The following JMJD6 variants were observed in gnomAD, a reference collection of about 807,000 sequenced individuals.
The protein encoded by JMJD6 is bifunctional arginine demethylase and lysyl-hydroxylase JMJD6.
JMJD6 carries 17 observed loss-of-function variants against 45.8 expected under a neutral mutation model. The observed-to-expected ratio is 0.37, with a 90% CI of 0.25 to 0.56. JMJD6 has a LOEUF of 0.56. Ranked by LOEUF, JMJD6 falls within the 20% of genes least tolerant of loss-of-function variation. The pLI is 0.79. For missense variants in JMJD6, 470 were observed against 517.5 expected (o/e 0.91, Z 0.89); for synonymous variants, 221 against 196.3 (o/e 1.13, Z -1.05).
chr17:76,721,155 A>C, intron 4 of JMJD6: 1 of 229,306 alleles, frequency 4.4e-6, no homozygotes, highest in Admixed American at 4.2e-5. Context: ...GGGGCGGGGT[A>C]AGTGGGCCTC....
intron 5 of JMJD6, among the ~76,000 whole-genome samples, chr17:76,719,337 G>A (rs1166113311): frequency 1.3e-5 from 2 of 152,092 alleles, no homozygotes; most frequent in Non-Finnish European, 2.9e-5. Context: ...CGCCCAGGCT[G>A]GAGTGCAGTG....
intron 3 of JMJD6, among the ~76,000 whole-genome samples, chr17:76,722,771 GGGA>G (rs1258420506): frequency 4.0e-5 from 6 of 150,356 alleles, no homozygotes; most frequent in East Asian, 2.0e-4. Context: ...GCTTGAACCT[GGGA>G]GGAGGAGGTT....
chr17:76,722,518 C>T (rs2076837698), intron 3 of JMJD6, among the ~76,000 whole-genome samples: 1 of 152,036 alleles, frequency 6.6e-6, no homozygotes, highest in African/African-American at 2.4e-5. Context: ...GGAGGCCAGC[C>T]TGGGTAACAG....
downstream of JMJD6, chr17:76,716,814 G>T: frequency 7.4e-7 from 1 of 1,349,180 alleles, no homozygotes; most frequent in South Asian, 1.2e-5. Context: ...GGACCCCCGG[G>T]ACCCCACGTG....
At chr17:76,716,244 A>G (rs79006009), downstream of JMJD6, 1,538 of 163,426 alleles carry the variant, frequency 9.4e-3, 27 homozygotes, top group African/African-American at 0.035. Context: ...GAAGAAGGGC[A>G]GACTCCAAGT....
chr17:76,720,265 TCTC>T, intron 5 of JMJD6, 92 bp downstream of exon 5: 1 of 1,153,278 alleles, frequency 8.7e-7, no homozygotes, highest in African/African-American at 1.5e-5. Context: ...TTCATATCCT[TCTC>T]CTGGATAGGA....
chr17:76,723,999 G>C lies in JMJD6; in HGVS notation c.578C>G (p.Thr193Ser). The C allele has an allele frequency of 6.2e-7, 1 of 1,614,158 alleles. No homozygotes were observed. The highest frequency in any genetic ancestry group is 8.5e-7 in the Non-Finnish European group (1 of 1,180,036). Residue 193 changes from threonine to serine, a missense_variant, in exon 3 of 6, where the codon ACC (threonine) becomes AGC (serine). By Grantham distance (58) the Thr-to-Ser change is moderately conservative (BLOSUM62 1). This residue lies in a region of JMJD6 where 346 missense variants were observed against 339.5 expected (regional missense o/e 1.02). Transcript: ENST00000397625. The part of the protein sequence containing the change: ...GTGIHIDPLG[T>S]SAWNALVQGH... ...CTGAACTAAGGCATTCCAGGCACTG[G>C]TTCCCAGAGGGTCGATGTGAATCCC... is the stretch of plus-strand genomic sequence containing the variant.
Position 76,721,697 on chromosome 17 carries a change from C to A in JMJD6, c.941+101G>T, listed in dbSNP as rs1486547843. On this transcript the variant is annotated intron_variant, in intron 4 of 5. Coordinates refer to ENST00000397625, the MANE Select transcript of JMJD6 (RefSeq NM_015167.3). ...TCGGCAGCCCCAGCTTTGCCCAGGCCTGTGTACGATCAGCACACATCATCG... is the reference window on the plus strand; with the variant it reads ...TCGGCAGCCCCAGCTTTGCCCAGGCATGTGTACGATCAGCACACATCATCG... The A allele has an allele frequency of 1.5e-5, 20 of 1,327,520 alleles. No homozygotes were observed. In the African/African-American group the frequency reaches 2.0e-4, roughly 14 times the overall value. 82.2% of individuals were successfully genotyped at this position (1,327,520 alleles called of 1,614,324 possible).
Position 76,718,633 on chromosome 17 carries a change from G to A in JMJD6, c.*96C>T, listed in dbSNP as rs2076786289. The A allele has an allele frequency of 6.6e-7, 1 of 1,518,674 alleles. No homozygotes were observed. Among genetic ancestry groups the A allele is most frequent in the Admixed American group, 2.2e-5 (1 of 46,280 alleles). The allele number at this position is 1,518,674 out of a possible 1,614,324, so 94.1% of individuals were successfully genotyped here. A position where few individuals can be genotyped will look rare whatever the true frequency, so the allele number is the denominator to read the frequency against. On this transcript the variant is annotated 3_prime_UTR_variant, in exon 6 of 6. Transcript: ENST00000397625. ...GTGTCCTCATTCTTGGGCTCTGTCA[G>A]GCCTCCCCTTGTCTGCAGGACTGGA...
At chr17:76,721,311 G>T in intron 4 of JMJD6, 1 of 452,162 alleles carries the variant, frequency 2.2e-6, no homozygotes. Flanking sequence ...GTGGCACGGG[G>T]TGGCTGTGGG....
downstream of JMJD6, chr17:76,716,339 C>A (rs1202627145): frequency 4.1e-6 from 1 of 243,974 alleles, no homozygotes; most frequent in Non-Finnish European, 8.1e-6. Flanking sequence ...AAACTCCTTA[C>A]CGACATCCGT....
chr17:76,725,156 C>T (rs779397904), intron 2 of JMJD6, among the ~76,000 whole-genome samples: 42 of 152,158 alleles, frequency 2.8e-4, no homozygotes, highest in Non-Finnish European at 5.0e-4. Context: ...CACCTGCAAT[C>T]GCAGCACTTT....
chr17:76,717,849 G>A (rs2076777369), downstream of JMJD6, among the ~76,000 whole-genome samples: 1 of 152,022 alleles, frequency 6.6e-6, no homozygotes, highest in African/African-American at 2.4e-5. Flanking sequence ...AAATTAGCTG[G>A]GCGTGGTGGC....
intron 1 of JMJD6, among the ~76,000 whole-genome samples, 174 bp from the exon 2 acceptor site, chr17:76,726,029 C>A (rs1244956481): frequency 6.6e-6 from 1 of 152,212 alleles, no homozygotes; most frequent in Admixed American, 6.5e-5. Flanking sequence ...CCTAGAGCCA[C>A]CCCCCATGAG....
At chr17:76,716,971 G>C (rs2076769588), downstream of JMJD6, among the ~76,000 whole-genome samples, 1 of 152,132 alleles carries the variant, frequency 6.6e-6, no homozygotes, top group Admixed American at 6.6e-5. Context: ...GGACATCGAG[G>C]GTTGAGAAAT....
At chr17:76,716,434 A>C (rs530432307), downstream of JMJD6, 1 of 497,824 alleles carries the variant, frequency 2.0e-6, no homozygotes, top group African/African-American at 1.9e-5. Flanking sequence ...GACAGCACAG[A>C]ACCTTCTTAC....
chr17:76,721,869 G>A lies in JMJD6; in HGVS notation c.870C>T (p.Ser290=). 2 of 1,614,174 alleles carry A rather than the reference G, an allele frequency of 1.2e-6. No individual in the cohort carries two copies. Among genetic ancestry groups the A allele is most frequent in the Non-Finnish European group, 1.7e-6 (2 of 1,180,022 alleles). ...GCCATACCACAGGGAAGTTGGTGCT[G>A]CTGGCAAAATTTTGGGTGATGGCGA... ...TTIAITQNFA[S]STNFPVVWHK... The change falls in exon 4 of 6, where the codon AGC becomes AGT. Residue 290 remains serine, a synonymous_variant. Coordinates refer to ENST00000397625, the MANE Select transcript of JMJD6 (RefSeq NM_015167.3).
At chr17:76,717,397 C>A (rs2076773043), downstream of JMJD6, among the ~76,000 whole-genome samples, 1 of 152,192 alleles carries the variant, frequency 6.6e-6, no homozygotes, top group Admixed American at 6.5e-5. Context: ...AACACTTCAA[C>A]CAGCACATCA....
chr17:76,724,312 G>C (rs961220955), intron 2 of JMJD6, among the ~76,000 whole-genome samples: 6 of 151,816 alleles, frequency 4.0e-5, no homozygotes, highest in African/African-American at 1.5e-4. Context: ...AGTAGAGACA[G>C]GGTTTCACCA....
Sources: gnomAD v4.1 joint callset for allele counts (sites outside exome capture counted in the v4.1 genomes callset) on GRCh38, gnomAD v4.1.1 for gene constraint, gnomAD v4.1.1 regional missense constraint, MANE v1.5 for transcripts, NCBI Gene and HGNC (gene_info 2026-07-23, HGNC 2026-07-21) for gene names.